The following TC2N variants were observed in gnomAD, a reference collection of about 807,000 sequenced individuals.
TC2N encodes the protein tandem C2 domains nuclear protein.
Under a neutral mutation model 61.9 loss-of-function variants are expected in TC2N, and 51 were observed. The ratio of observed to expected loss-of-function variants is 0.82; its 90% CI spans 0.66 to 1.04. TC2N has a LOEUF of 1.04. Among genes scored for constraint, TC2N ranks in the 50% least tolerant of loss-of-function variants. TC2N has a pLI of 0.00. For missense variants in TC2N, 556 were observed against 566.7 expected (o/e 0.98, Z 0.19); for synonymous variants, 204 against 192.6 (o/e 1.06, Z -0.49).
At chr14:91,843,696 A>G (rs1002934526) in intron 1 of TC2N, among the ~76,000 whole-genome samples, 4 of 152,204 alleles carry the variant, frequency 2.6e-5, no homozygotes, top group African/African-American at 9.7e-5. Context: ...AGCTTTCCTC[A>G]TCTGTTTTTA....
At chr14:91,852,256 C>T (rs929068884) in intron 1 of TC2N, among the ~76,000 whole-genome samples, 6 of 152,174 alleles carry the variant, frequency 3.9e-5, no homozygotes, top group Non-Finnish European at 5.9e-5. Flanking sequence ...GGAGAAACCC[C>T]GTCTCTAGCT....
intron 4 of TC2N, among the ~76,000 whole-genome samples, chr14:91,801,161 C>T (rs1417571274): frequency 6.6e-6 from 1 of 151,696 alleles, no homozygotes; most frequent in Non-Finnish European, 1.5e-5. Context: ...CACACAGTCT[C>T]AAATATGAAA....
chr14:91,823,588 A>C (rs2139882360), intron 1 of TC2N, among the ~76,000 whole-genome samples: 1 of 152,172 alleles, frequency 6.6e-6, no homozygotes, highest in East Asian at 1.9e-4. Flanking sequence ...AAAGAAAATA[A>C]TGAGTCAAGC....
At chr14:91,806,308 A>C (rs1303584140) in intron 3 of TC2N, among the ~76,000 whole-genome samples, 2 of 152,212 alleles carry the variant, frequency 1.3e-5, no homozygotes, top group African/African-American at 4.8e-5. Flanking sequence ...AAAGATACCC[A>C]AAAATGTGGA....
In TC2N at chr14:91,862,268, A is replaced by C. The variant is rs539523098; in HGVS notation, c.-57+4994T>G. On this transcript the variant is annotated intron_variant, in intron 1 of 11. Coordinates refer to ENST00000435962, the MANE Select transcript of TC2N (RefSeq NM_001128596.3). Reference sequence around the variant, plus strand: ...GATGGTAGGATCGCTTAAGCCCAGGAGATGGAGGTTGCAGTGAGCTGAGAT... The same window carrying C: ...GATGGTAGGATCGCTTAAGCCCAGGCGATGGAGGTTGCAGTGAGCTGAGAT... Among the ~76,000 whole-genome samples, 7 of 148,950 alleles carry C rather than the reference A, an allele frequency of 4.7e-5. No individual in the cohort carries two copies. The South Asian group carries it at 1.5e-3, about 33-fold the overall frequency.
rs1033391257 is a variant in TC2N, at chr14:91,782,336, C to T, written c.*764G>A. The stretch of plus-strand genomic sequence containing the variant: ...TTTAATTCTGTGAATTAGGATGGAC[C>T]ATATGGATGATACTCTTATTTTAAC... On this transcript the variant is annotated 3_prime_UTR_variant, in exon 12 of 12. Coordinates refer to ENST00000435962, the MANE Select transcript of TC2N (RefSeq NM_001128596.3). The T allele has an allele frequency of 2.0e-5, 3 of 151,750 alleles. No homozygotes were observed. The highest frequency in any genetic ancestry group is 7.3e-5 in the African/African-American group (3 of 41,358). 9.4% of individuals were successfully genotyped at this position (151,750 alleles called of 1,614,324 possible).
chr14:91,779,938 A>G lies in TC2N; in HGVS notation c.*3162T>C, dbSNP rs1169315816. ...AAAATCCAATTTAGGAGGCTCCATT[A>G]ACTCTTTTAATATATTTCTAAATCT... On this transcript the variant is annotated 3_prime_UTR_variant, in exon 12 of 12. Coordinates refer to ENST00000435962, the MANE Select transcript of TC2N (RefSeq NM_001128596.3). 1 of 152,158 alleles carries G rather than the reference A, an allele frequency of 6.6e-6. No homozygotes were observed. The highest frequency in any genetic ancestry group is 1.9e-4 in the East Asian group (1 of 5,200). The allele number at this position is 152,158 out of a possible 1,614,324, so 9.4% of individuals were successfully genotyped here.
chr14:91,836,461 T>C, intron 1 of TC2N: 1 of 152,164 alleles, frequency 6.6e-6, no homozygotes, highest in Non-Finnish European at 1.5e-5. Context: ...GTCCTGCCTT[T>C]CCCAGGGCCT....
At chr14:91,862,141 C>T (rs1888603170) in intron 1 of TC2N, among the ~76,000 whole-genome samples, 3 of 151,584 alleles carry the variant, frequency 2.0e-5, no homozygotes, top group South Asian at 4.2e-4. Context: ...AGATTGAGAC[C>T]GGCCTGGGCA....
intron 1 of TC2N, chr14:91,836,628 G>GCCGGGAGGGGCGAGGCAGA (rs1271832913): frequency 1.6e-5 from 2 of 128,988 alleles, no homozygotes; most frequent in African/African-American, 2.8e-5. Context: ...GGCGAGGCAG[G>GCCGGGAGGGGCGAGGCAGA]GCGGGGCAGG....
intron 3 of TC2N, among the ~76,000 whole-genome samples, chr14:91,811,446 T>C (rs972906689): frequency 2.0e-5 from 3 of 152,010 alleles, no homozygotes; most frequent in African/African-American, 7.2e-5. Flanking sequence ...AGTGTTTCAA[T>C]GGACTAATAC....
At chr14:91,788,999 T>TA (rs1885500714) in intron 9 of TC2N, among the ~76,000 whole-genome samples, 1 of 152,134 alleles carries the variant, frequency 6.6e-6, no homozygotes, top group Non-Finnish European at 1.5e-5. Context: ...AAAATTGCTG[T>TA]CCTTGGCATT....
At chr14:91,787,441 G>GA in intron 10 of TC2N, 72 bp downstream of exon 10, 1 of 815,314 alleles carries the variant, frequency 1.2e-6, no homozygotes, top group Non-Finnish European at 1.9e-6. Context: ...TCCATTGTAA[G>GA]AAATGTAAAA....
At chr14:91,794,417 C>T (rs1885801779) in intron 8 of TC2N, among the ~76,000 whole-genome samples, 1 of 152,134 alleles carries the variant, frequency 6.6e-6, no homozygotes, top group Admixed American at 6.5e-5. Context: ...GAAGTCAATG[C>T]CTGACTTCAA....
Position 91,800,290 on chromosome 14 carries a change from T to C in TC2N, c.552A>G (p.Arg184=). ...TATGTAGATAATTCACCTGGATGAA[T>C]CGCTGAGATGAGTTTGTAAGATCAA... ...SMFDLTNSSQ[R]FIQRHDSLSS... is the part of the protein sequence containing the mutation. Residue 184 remains arginine, a synonymous_variant, in exon 5 of 12, where the codon CGA becomes CGG. Transcript: ENST00000435962. 6.3e-7 allele frequency: 1 copy of C among 1,588,244 alleles called. No individual in the cohort carries two copies. The highest frequency in any genetic ancestry group is 8.6e-7 in the Non-Finnish European group (1 of 1,165,282).
intron 1 of TC2N, among the ~76,000 whole-genome samples, chr14:91,814,648 AAGTT>A (rs757498363): frequency 2.0e-5 from 3 of 151,692 alleles, no homozygotes; most frequent in Admixed American, 1.3e-4. Context: ...GAAACAGTGA[AAGTT>A]AGAAACTGAA....
chr14:91,822,232 A>T (rs367884520), intron 1 of TC2N, among the ~76,000 whole-genome samples: 1 of 152,346 alleles, frequency 6.6e-6, no homozygotes, highest in South Asian at 2.1e-4. Flanking sequence ...AAATAGCCAA[A>T]AATTGAAAAC....
intron 1 of TC2N, among the ~76,000 whole-genome samples, chr14:91,828,507 A>G (rs1887601174): frequency 6.6e-6 from 1 of 151,996 alleles, no homozygotes; most frequent in African/African-American, 2.4e-5. Flanking sequence ...CAACTACAGT[A>G]CCATCACACT....
intron 2 of TC2N, 42 bp from the exon 3 acceptor site, chr14:91,812,587 G>T: frequency 1.0e-6 from 1 of 975,294 alleles, no homozygotes; most frequent in Non-Finnish European, 1.6e-6. Flanking sequence ...ATGAATATAG[G>T]TTACATATAA....
Sources: gnomAD v4.1 joint callset for allele counts (sites outside exome capture counted in the v4.1 genomes callset) on GRCh38, gnomAD v4.1.1 for gene constraint, MANE v1.5 for transcripts, NCBI Gene and HGNC (gene_info 2026-07-23, HGNC 2026-07-21) for gene names.